SHLD1: variants seen among roughly 807,000 people sequenced by gnomAD.
The protein encoded by SHLD1 is shieldin complex subunit 1.
SHLD1 carries 3 observed loss-of-function variants against 5.5 expected under a neutral mutation model. The ratio of observed to expected loss-of-function variants is 0.54; its 90% CI spans 0.25 to 1.40. The LOEUF is 1.40. Among genes scored for constraint, SHLD1 ranks in the 40% most tolerant of loss-of-function variants. The pLI is 0.15. For synonymous variants in SHLD1, 92 were observed against 94.3 expected (o/e 0.98, Z 0.14); for missense variants, 210 against 244.4 (o/e 0.86, Z 0.94).
Position 5,816,089 on chromosome 20 carries a change from G to GAA in SHLD1, c.178+43063_178+43064dup, listed in dbSNP as rs141881349. On this transcript the variant is annotated intron_variant, in intron 2 of 2. Coordinates refer to ENST00000303142, the MANE Select transcript of SHLD1 (RefSeq NM_152504.4). ...GAGTGAGACTCTGCCTCAAAAAAAC[G>GAA]AAAAAAAAAAAAAAAAAAGAAAGAA... is the stretch of plus-strand genomic sequence containing the variant. Among the ~76,000 whole-genome samples, 456 of 86,264 alleles carry GAA rather than the reference G, an allele frequency of 5.3e-3. 7 individuals carry two copies. Among genetic ancestry groups the GAA allele is most frequent in the East Asian group, 0.014 (42 of 3,074 alleles). The allele number at this position is 86,264 out of a possible 152,430, so 56.6% of individuals were successfully genotyped here.
intron 1 of SHLD1, among the ~76,000 whole-genome samples, chr20:5,759,153 G>A (rs513645): frequency 0.78 from 118,445 of 151,672 alleles, 46,599 homozygotes; most frequent in African/African-American, 0.87. Context: ...ACGGGGTTCC[G>A]TTATGTTGCC....
At chr20:5,842,389 C>T (rs1478761617) in intron 2 of SHLD1, among the ~76,000 whole-genome samples, 1 of 152,158 alleles carries the variant, frequency 6.6e-6, no homozygotes, top group African/African-American at 2.4e-5. Context: ...TCGATCTGGC[C>T]AGTTAAGAGA....
rs960090778 is a variant in SHLD1, at chr20:5,855,495, C to T, written c.179-7529C>T. ...CAAGAGATTCTTGTGCCTCAGCCAC[C>T]CGAGTAGCTGGGACTACAGGTGCAT... On this transcript the variant is annotated intron_variant, in intron 2 of 2. Transcript: ENST00000303142. The surrounding 1 kb of genome is among the most constrained non-coding windows in gnomAD (Gnocchi z 4.4). Among the ~76,000 whole-genome samples, 5 of 152,062 alleles carry T rather than the reference C, an allele frequency of 3.3e-5. No individual in the cohort carries two copies. Among genetic ancestry groups the T allele is most frequent in the East Asian group, 3.9e-4 (2 of 5,180 alleles).
At position 5,802,631 on chromosome 20, in the gene SHLD1, C is replaced by A. The variant is rs114859868; in HGVS notation, c.178+29588C>A. ...TTTTCTTTTCTTCTTTCCTTCCTTTCTTCCTTTCTATTTTTCTTTTTCTTT... is the reference window on the plus strand; with the variant it reads ...TTTTCTTTTCTTCTTTCCTTCCTTTATTCCTTTCTATTTTTCTTTTTCTTT... On this transcript the variant is annotated intron_variant, in intron 2 of 2. Coordinates refer to ENST00000303142, the MANE Select transcript of SHLD1 (RefSeq NM_152504.4). 9.8e-3 allele frequency among the ~76,000 whole-genome samples: 1,495 copies of A among 152,068 alleles called. 23 individuals are homozygous for A. Among genetic ancestry groups the A allele is most frequent in the African/African-American group, 0.034 (1,411 of 41,490 alleles).
At chr20:5,816,209 T>A (rs1188512138) in intron 2 of SHLD1, among the ~76,000 whole-genome samples, 1 of 152,178 alleles carries the variant, frequency 6.6e-6, no homozygotes, top group Non-Finnish European at 1.5e-5. Flanking sequence ...ATTTCAACTC[T>A]ATATTTTTTA....
chr20:5,799,448 G>T (rs1316702558), intron 2 of SHLD1, among the ~76,000 whole-genome samples: 3 of 147,014 alleles, frequency 2.0e-5, no homozygotes, highest in African/African-American at 7.6e-5. Flanking sequence ...CTACAGACAT[G>T]CACCACCATG....
intron 1 of SHLD1, among the ~76,000 whole-genome samples, chr20:5,768,447 G>C (rs1984967630): frequency 6.6e-6 from 1 of 152,230 alleles, no homozygotes; most frequent in Admixed American, 6.5e-5. Flanking sequence ...TTGACTCACT[G>C]TGTTAACAAG....
At chr20:5,813,172 G>A (rs1020444702) in intron 2 of SHLD1, among the ~76,000 whole-genome samples, 1 of 151,802 alleles carries the variant, frequency 6.6e-6, no homozygotes, top group African/African-American at 2.4e-5. Flanking sequence ...CACCATGCCT[G>A]GTCTTTAAAG....
intron 1 of SHLD1, among the ~76,000 whole-genome samples, chr20:5,758,666 A>G (rs1020362268): frequency 6.6e-6 from 1 of 152,020 alleles, no homozygotes; most frequent in Non-Finnish European, 1.5e-5. Context: ...TGATCCACCA[A>G]CTTCAGCCTC....
rs1264767261 is a variant in SHLD1, at chr20:5,806,943, C to T, written c.178+33900C>T. On this transcript the variant is annotated intron_variant, in intron 2 of 2. Transcript: ENST00000303142. This position sits in a 1 kb window ranked among gnomAD's most constrained non-coding sequence, Gnocchi z 7.6. ...AAGAGTGAGTGAGTGGTCGTGTAAC[C>T]TGTACCTGCAATCTTGGCCTTGAAT... 6.6e-6 allele frequency among the ~76,000 whole-genome samples: 1 copy of T among 152,218 alleles called. No individual in the cohort carries two copies. The highest frequency in any genetic ancestry group is 1.5e-5 in the Non-Finnish European group (1 of 68,050).
chr20:5,777,704 A>T (rs1985496222), intron 2 of SHLD1, among the ~76,000 whole-genome samples: 1 of 150,608 alleles, frequency 6.6e-6, no homozygotes, highest in South Asian at 2.1e-4. Flanking sequence ...CAGTGTTGGG[A>T]TTACAGGCAT....
intron 2 of SHLD1, among the ~76,000 whole-genome samples, chr20:5,802,015 T>C (rs1042254523): frequency 1.3e-5 from 2 of 152,178 alleles, no homozygotes; most frequent in Non-Finnish European, 2.9e-5. Context: ...ACAGGAAAAA[T>C]GCATACACTG....
chr20:5,788,042 A>G (rs2087084829), intron 2 of SHLD1, among the ~76,000 whole-genome samples: 1 of 152,240 alleles, frequency 6.6e-6, no homozygotes. Context: ...CCCATCATGA[A>G]GAAAGCATGT....
At chr20:5,767,517 G>T (rs367619129) in intron 1 of SHLD1, among the ~76,000 whole-genome samples, 1 of 152,052 alleles carries the variant, frequency 6.6e-6, no homozygotes, top group Non-Finnish European at 1.5e-5. Flanking sequence ...TTCTTGACCC[G>T]TGGGTCCCTG....
At chr20:5,849,305 C>T (rs1415557814) in intron 2 of SHLD1, among the ~76,000 whole-genome samples, 1 of 152,198 alleles carries the variant, frequency 6.6e-6, no homozygotes, top group African/African-American at 2.4e-5. Flanking sequence ...GGCCAATTCA[C>T]TTGCTGGACA....
At chr20:5,797,069 CT>C (rs1704254681) in intron 2 of SHLD1, among the ~76,000 whole-genome samples, 8 of 152,088 alleles carry the variant, frequency 5.3e-5, no homozygotes, top group Admixed American at 4.6e-4. Flanking sequence ...TGGATTCTAT[CT>C]TTTGCTCCAA....
At chr20:5,808,399 C>T (rs2087412596) in intron 2 of SHLD1, among the ~76,000 whole-genome samples, 1 of 152,170 alleles carries the variant, frequency 6.6e-6, no homozygotes, top group African/African-American at 2.4e-5. Flanking sequence ...GACATACATA[C>T]ATATGTACAT....
intron 2 of SHLD1, among the ~76,000 whole-genome samples, chr20:5,841,958 A>C (rs1398127691): frequency 6.6e-6 from 1 of 152,116 alleles, no homozygotes; most frequent in Non-Finnish European, 1.5e-5. Context: ...ATAGTTGACT[A>C]TGGAGAAAGA....
chr20:5,794,311 G>A (rs1461222069), intron 2 of SHLD1, among the ~76,000 whole-genome samples: 1 of 152,194 alleles, frequency 6.6e-6, no homozygotes, highest in African/African-American at 2.4e-5. Flanking sequence ...CACCACTGCT[G>A]TTACAACTAG....
Sources: gnomAD v4.1 joint callset for allele counts (sites outside exome capture counted in the v4.1 genomes callset) on GRCh38, gnomAD v4.1.1 for gene constraint, Gnocchi (gnomAD v3.1) non-coding constraint, MANE v1.5 for transcripts, NCBI Gene and HGNC (gene_info 2026-07-23, HGNC 2026-07-21) for gene names.